The following NTM variants were observed in gnomAD, a reference collection of about 807,000 sequenced individuals.
NTM encodes neurotrimin.
Under a neutral mutation model 42.1 loss-of-function variants are expected in NTM, and 13 were observed. The observed-to-expected ratio is 0.31, with a 90% CI of 0.20 to 0.49. NTM has a LOEUF of 0.49. NTM is among the 20% of genes least tolerant of loss of function. The pLI is 0.99. For missense variants in NTM, 373 were observed against 452.8 expected (o/e 0.82, Z 1.60); for synonymous variants, 187 against 179.2 (o/e 1.04, Z -0.35).
chr11:132,179,349 A>G (rs1398342940), intron 3 of NTM, among the ~76,000 whole-genome samples: 1 of 152,178 alleles, frequency 6.6e-6, no homozygotes, highest in Non-Finnish European at 1.5e-5. Flanking sequence ...GAGGGGCAGG[A>G]CACAGATCTT....
intron 4 of NTM, among the ~76,000 whole-genome samples, chr11:132,238,590 C>T (rs3099794): frequency 0.48 from 72,921 of 151,886 alleles, 18,270 homozygotes; most frequent in Middle Eastern, 0.65. Flanking sequence ...GTATGAGAGG[C>T]AGGGCAGCCT....
intron 1 of NTM, among the ~76,000 whole-genome samples, chr11:131,867,163 A>G (rs1378195893): frequency 1.3e-5 from 2 of 152,230 alleles, no homozygotes; most frequent in East Asian, 3.8e-4. Flanking sequence ...AGTCCTACCC[A>G]TCTGCTATTT....
At chr11:131,430,209 A>G (rs1948540674) in intron 1 of NTM, among the ~76,000 whole-genome samples, 1 of 152,242 alleles carries the variant, frequency 6.6e-6, no homozygotes, top group South Asian at 2.1e-4. Flanking sequence ...AAACAAAAAT[A>G]CAACATGCTT....
intron 3 of NTM, among the ~76,000 whole-genome samples, chr11:132,171,770 T>G (rs140915624): frequency 6.6e-6 from 1 of 152,328 alleles, no homozygotes; most frequent in Non-Finnish European, 1.5e-5. Context: ...TCAAGAAGAT[T>G]TATTGGATAG....
Position 132,081,302 on chromosome 11 carries a change from C to G in NTM, c.168-64980C>G, listed in dbSNP as rs142500114. Among the ~76,000 whole-genome samples the G allele has an allele frequency of 1.0e-3, 158 of 152,282 alleles. 2 individuals carry two copies. Among genetic ancestry groups the G allele is most frequent in the African/African-American group, 3.5e-3 (146 of 41,554 alleles). ...ATATTACACTACAGAAACAATAACC[C>G]AATACTACTTCATTTTCCTTTAATT... On this transcript the variant is annotated intron_variant, in intron 2 of 8. Coordinates refer to ENST00000683400, the MANE Select transcript of NTM (RefSeq NM_001352005.2).
chr11:132,227,216 T>G (rs2086497394), intron 4 of NTM, among the ~76,000 whole-genome samples: 1 of 152,080 alleles, frequency 6.6e-6, no homozygotes, highest in Non-Finnish European at 1.5e-5. Flanking sequence ...TCAAAACCAG[T>G]TCAAGGAGAA....
intron 1 of NTM, among the ~76,000 whole-genome samples, chr11:131,886,518 A>C (rs1450272104): frequency 6.6e-6 from 1 of 152,232 alleles, no homozygotes; most frequent in East Asian, 1.9e-4. Context: ...TCTACCTCTA[A>C]AAAGATCCCT....
rs566382590 is a variant in NTM, at chr11:131,384,063, T to A, written c.82+13175T>A. 5.9e-5 allele frequency among the ~76,000 whole-genome samples: 9 copies of A among 151,864 alleles called. No homozygotes were observed. In the South Asian group the frequency reaches 1.9e-3, roughly 32 times the overall value. ...GTTTTCTAAGTGAATGGCTTAGAGGTGGGTTTTAGAGAGATAGTAATTAAT... is the reference window on the plus strand; with the variant it reads ...GTTTTCTAAGTGAATGGCTTAGAGGAGGGTTTTAGAGAGATAGTAATTAAT... On this transcript the variant is annotated intron_variant, in intron 1 of 8. Transcript: ENST00000683400.
chr11:131,752,286 A>AT (rs1351245081), intron 1 of NTM, among the ~76,000 whole-genome samples: 6 of 152,256 alleles, frequency 3.9e-5, no homozygotes, highest in Admixed American at 3.9e-4. Flanking sequence ...ACACATGAAA[A>AT]AATGCTCATC....
intron 4 of NTM, among the ~76,000 whole-genome samples, chr11:132,277,145 A>G (rs761459045): frequency 3.9e-5 from 6 of 152,138 alleles, no homozygotes; most frequent in Non-Finnish European, 8.8e-5. Context: ...CCCTTTTATT[A>G]CTGTTTCCTG....
At chr11:131,714,166 A>G (rs2077447107) in intron 1 of NTM, among the ~76,000 whole-genome samples, 1 of 152,092 alleles carries the variant, frequency 6.6e-6, no homozygotes, top group Non-Finnish European at 1.5e-5. Flanking sequence ...GAAGCTGCTG[A>G]TCACCAGCTT....
chr11:131,661,150 G>T, intron 1 of NTM: 1 of 717,206 alleles, frequency 1.4e-6, no homozygotes, highest in South Asian at 1.6e-5. Context: ...AGGTCCAGGT[G>T]GTGACTGTGG....
chr11:132,043,604 G>A (rs193294507), intron 2 of NTM, among the ~76,000 whole-genome samples: 27 of 152,344 alleles, frequency 1.8e-4, no homozygotes, highest in African/African-American at 6.5e-4. Context: ...GTTTCTGCAA[G>A]ATTGGAAAGT....
chr11:132,269,898 T>A (rs1478792775), intron 4 of NTM, among the ~76,000 whole-genome samples: 2 of 152,250 alleles, frequency 1.3e-5, no homozygotes, highest in African/African-American at 4.8e-5. Flanking sequence ...ATAATTTACA[T>A]ACAAAGACTT....
intron 4 of NTM, among the ~76,000 whole-genome samples, chr11:132,302,895 C>T (rs2140135277): frequency 6.6e-6 from 1 of 152,266 alleles, no homozygotes; most frequent in African/African-American, 2.4e-5. Flanking sequence ...CCAAACTTGC[C>T]TATTTGTGAG....
chr11:131,808,582 T>C (rs2092612479), intron 1 of NTM, among the ~76,000 whole-genome samples: 1 of 152,080 alleles, frequency 6.6e-6, no homozygotes, highest in African/African-American at 2.4e-5. Flanking sequence ...ACAAAGAAAA[T>C]TAGCAGTACT....
chr11:131,730,704 G>A (rs1422306485), intron 1 of NTM, among the ~76,000 whole-genome samples: 1 of 111,674 alleles, frequency 9.0e-6, no homozygotes, highest in Non-Finnish European at 2.0e-5. Flanking sequence ...GGGTGCCACA[G>A]TAGACCCTAT....
At chr11:131,633,760 TCTCTCC>T (rs1197756011) in intron 1 of NTM, among the ~76,000 whole-genome samples, 5 of 42,572 alleles carry the variant, frequency 1.2e-4, no homozygotes, top group African/African-American at 3.6e-4. Context: ...TCCCTCCCTC[TCTCTCC>T]CTCTCTCTCT....
intron 1 of NTM, among the ~76,000 whole-genome samples, chr11:131,652,225 A>G (rs1254331438): frequency 1.3e-5 from 2 of 152,220 alleles, no homozygotes; most frequent in African/African-American, 4.8e-5. Context: ...ATGGAGGTAA[A>G]TGGCTATACA....
Sources: allele counts gnomAD v4.1 joint callset (sites outside exome capture counted in the v4.1 genomes callset), GRCh38; gene constraint gnomAD v4.1.1; transcripts MANE v1.5; gene names NCBI Gene and HGNC (gene_info 2026-07-23, HGNC 2026-07-21).